Variants in UNC13D observed in about 807,000 individuals in gnomAD.
The protein encoded by UNC13D is unc-13 homolog D.
A neutral mutation model predicts 151.7 loss-of-function variants in UNC13D; 115 were observed. The ratio of observed to expected loss-of-function variants is 0.76; its 90% CI spans 0.65 to 0.88. The LOEUF (loss-of-function observed/expected upper bound fraction) is 0.88. UNC13D is among the 40% of genes least tolerant of loss of function. The pLI is 0.00. For synonymous variants in UNC13D, 588 were observed against 612.2 expected (o/e 0.96, Z 0.58); for missense variants, 1,369 against 1,438.7 (o/e 0.95, Z 0.78).
rs1567821227 is a variant in UNC13D at position 75,840,350 on chromosome 17, G to C, written c.754-21C>G. On this transcript the variant is annotated intron_variant, in intron 9 of 31. Coordinates refer to ENST00000207549, the MANE Select transcript of UNC13D (RefSeq NM_199242.3). This position sits in a 1 kb window ranked among gnomAD's most constrained non-coding sequence, Gnocchi z 4.6. The stretch of plus-strand genomic sequence containing the variant: ...AGGTCCTGACAGGCGGGGATGCCCA[G>C]CCCGTGAGCGTCAGAACCTCATAGA... 1 of 1,611,988 alleles carries C rather than the reference G, an allele frequency of 6.2e-7. No homozygotes were observed. The highest frequency in any genetic ancestry group is 1.7e-5 in the Admixed American group (1 of 59,918).
intron 12 of UNC13D, among the ~76,000 whole-genome samples, chr17:75,839,077 G>A (rs1174437349): frequency 2.0e-5 from 3 of 151,372 alleles, no homozygotes; most frequent in African/African-American, 4.9e-5. Context: ...TCCGGCCTGG[G>A]CGAAAGAGCA....
chr17:75,830,099 AG>A lies in UNC13D; in HGVS notation c.2882del (p.Pro961LeufsTer68). 6.3e-7 allele frequency: 1 copy of A among 1,583,774 alleles called. No homozygotes were observed. The highest frequency in any genetic ancestry group is 8.6e-7 in the Non-Finnish European group (1 of 1,165,058). On this transcript the variant is annotated frameshift_variant, in exon 30 of 32. Coordinates refer to ENST00000207549, the MANE Select transcript of UNC13D (RefSeq NM_199242.3). LOFTEE classifies it high-confidence loss of function. The stretch of plus-strand genomic sequence containing the variant: ...TCTGGGTCTCCCGGGCGGCCAGCTC[AG>A]GGAACTCATGCCTGGGCTCCAAGGT... ...QLTLEPRHEF[P>X]ELAARETQKH... is the part of the protein sequence containing the mutation.
Position 75,842,441 on chromosome 17 carries a change from G to A in UNC13D, c.561C>T (p.Thr187=), listed in dbSNP as rs1436445902. 25 of 1,612,224 alleles carry A rather than the reference G, an allele frequency of 1.6e-5. No homozygotes were observed. The highest frequency in any genetic ancestry group is 1.6e-4 in the Middle Eastern group (1 of 6,082). ...TQTLNPVWDE[T]FILEFEDITN... ...GGAGCACGGCCACGTACAGGATGAA[G>A]GTCTCGTCCCAGACGGGGTTGAGTG... Residue 187 remains threonine (T), a synonymous_variant, in exon 6 of 32, where the codon ACC becomes ACT. Transcript: ENST00000207549.
intron 27 of UNC13D, 57 bp from the exon 28 acceptor site, chr17:75,830,718 G>T: frequency 1.3e-6 from 2 of 1,542,968 alleles, no homozygotes; most frequent in East Asian, 2.4e-5. Flanking sequence ...CACAGCCCAG[G>T]CCTGCCCTCC....
At chr17:75,834,022 G>C (rs769317102) in intron 24 of UNC13D, 53 bp downstream of exon 24, 8 of 1,607,998 alleles carry the variant, frequency 5.0e-6, no homozygotes, top group Non-Finnish European at 6.8e-6. Context: ...AATGACCCCA[G>C]ATCTACAGAG....
chr17:75,835,728 G>C lies in UNC13D; in HGVS notation c.1646C>G (p.Ser549Cys). The C allele has an allele frequency of 6.2e-7, 1 of 1,613,768 alleles. No homozygotes were observed. Among genetic ancestry groups the C allele is most frequent in the Non-Finnish European group, 8.5e-7 (1 of 1,180,034 alleles). The change falls in exon 19 of 32, where the codon TCC (serine) becomes TGC (cysteine). Residue 549 changes from serine to cysteine, a missense_variant. Ser to Cys is a moderately radical substitution (Grantham distance 112). Around this residue, in one of 3 missense-constraint regions of UNC13D, gnomAD observed 807 missense variants for 795.5 expected, o/e 1.01. Coordinates refer to ENST00000207549, the MANE Select transcript of UNC13D (RefSeq NM_199242.3). ...DHTTVVGDVV[S>C]PEMGESLFQL... ...GAACAGACTCTCGCCCATCTCTGGGGACACTACATCACCCACAACCGTCGT... is the reference window on the plus strand; with the variant it reads ...GAACAGACTCTCGCCCATCTCTGGGCACACTACATCACCCACAACCGTCGT...
At position 75,828,838 on chromosome 17, in the gene UNC13D, G is replaced by T; in HGVS notation, c.3100C>A (p.Pro1034Thr). ...AGGCGGGTCTGAGGCACCTCACCAG[G>T]CTCCTCAGAGCCACTCAGCCCGGGC... ...EVPGLSGSEE[P>T]GEVPQTRLPL... Residue 1034 changes from proline (P) to threonine (T), a missense_variant, in exon 31 of 32, where the codon CCT becomes ACT. This residue lies in a region of UNC13D where 807 missense variants were observed against 795.5 expected (regional missense o/e 1.01). Transcript: ENST00000207549. The T allele has an allele frequency of 6.3e-7, 1 of 1,575,938 alleles. No individual in the cohort carries two copies.
Position 75,836,072 on chromosome 17 carries a change from A to C in UNC13D, c.1484T>G (p.Val495Gly). The C allele has an allele frequency of 1.2e-6, 2 of 1,613,774 alleles. No homozygotes were observed. Among genetic ancestry groups the C allele is most frequent in the Non-Finnish European group, 1.7e-6 (2 of 1,180,018 alleles). ...GTGCAGGTCGCCAATGACATCCTGT[A>C]CCAGGCCCAGCAAGGCCTTGCCTGC... ...PEAGKALLGL[V>G]QDVIGDLHQC... The change falls in exon 17 of 32, where the codon GTA becomes GGA. Residue 495 changes from valine (V) to glycine (G), a missense_variant. Transcript: ENST00000207549.
At chr17:75,836,299 C>T in intron 15 of UNC13D, 40 bp downstream of exon 15, 1 of 1,613,324 alleles carries the variant, frequency 6.2e-7, no homozygotes, top group Non-Finnish European at 8.5e-7. Context: ...CTGCCAGGCC[C>T]AGGCGCTGGT....
At chr17:75,835,261 A>T in intron 20 of UNC13D, 148 bp downstream of exon 20, 1 of 1,350,186 alleles carries the variant, frequency 7.4e-7, no homozygotes, top group South Asian at 1.3e-5. Context: ...ATCCAGAGGC[A>T]GCGTTTTGCA....
At chr17:75,829,098 C>A in intron 30 of UNC13D, 115 bp from the exon 31 acceptor site, 1 of 1,331,154 alleles carries the variant, frequency 7.5e-7, no homozygotes, top group African/African-American at 1.4e-5. Flanking sequence ...GCAAAGCCAG[C>A]TCTCAGCCTG....
chr17:75,843,263 C>T lies in UNC13D; in HGVS notation c.157G>A (p.Ala53Thr). The T allele has an allele frequency of 1.2e-6, 2 of 1,606,506 alleles. No homozygotes were observed. Among genetic ancestry groups the T allele is most frequent in the Non-Finnish European group, 1.7e-6 (2 of 1,179,832 alleles). Residue 53 changes from alanine to threonine, a missense_variant, in exon 3 of 32, where the codon GCC becomes ACC. Physicochemically the swap from Ala to Thr is moderately conservative, Grantham distance 58. This residue lies in a region of UNC13D where 550 missense variants were observed against 609.0 expected (regional missense o/e 0.90). Coordinates refer to ENST00000207549, the MANE Select transcript of UNC13D (RefSeq NM_199242.3). ...PSHHFSPEQR[A>T]LLYEDALYTV... ...TAGAGTGCGTCCTCGTAGAGCAGGG[C>T]CCGCTAAGACACACGGGGTCACCTT... is the stretch of plus-strand genomic sequence containing the variant.
intron 12 of UNC13D, among the ~76,000 whole-genome samples, chr17:75,838,222 T>TC (rs2064922090): frequency 7.1e-6 from 1 of 140,692 alleles, no homozygotes; most frequent in African/African-American, 2.6e-5. Flanking sequence ...GTCCCATCTC[T>TC]TTTTTTTTTT....
Position 75,827,386 on chromosome 17 carries a change from G to T in UNC13D, c.*579C>A. 8.9e-6 allele frequency: 12 copies of T among 1,347,740 alleles called. No individual in the cohort carries two copies. The highest frequency in any genetic ancestry group is 1.2e-5 in the Non-Finnish European group (12 of 1,037,424). 83.5% of individuals were successfully genotyped at this position (1,347,740 alleles called of 1,614,324 possible). On this transcript the variant is annotated 3_prime_UTR_variant, in exon 32 of 32. Transcript: ENST00000207549. ...CCAGCCCTGCCGCCTGCCAGCTCTT[G>T]CTCCCTCAGAGCCAGAAGGTTCTTG...
rs2062133113 is a variant in UNC13D at position 75,827,671 on chromosome 17, G to A, written c.*294C>T. 1.3e-6 allele frequency: 2 copies of A among 1,531,186 alleles called. No individual in the cohort carries two copies. The highest frequency in any genetic ancestry group is 2.4e-5 in the South Asian group (2 of 83,902). 94.8% of individuals were successfully genotyped at this position (1,531,186 alleles called of 1,614,324 possible). A position where few individuals can be genotyped will look rare whatever the true frequency, so the allele number is the denominator to read the frequency against. On this transcript the variant is annotated 3_prime_UTR_variant, in exon 32 of 32. Transcript: ENST00000207549. Reference sequence around the variant, plus strand: ...ATGGCCCAATCCCCTGCCCACCACAGCAGCTTTTCTGAGAGGCGGGCAGGG... The same window carrying A: ...ATGGCCCAATCCCCTGCCCACCACAACAGCTTTTCTGAGAGGCGGGCAGGG...
chr17:75,829,289 C>G (rs1007441950), intron 30 of UNC13D, among the ~76,000 whole-genome samples: 2 of 152,214 alleles, frequency 1.3e-5, no homozygotes, highest in Non-Finnish European at 2.9e-5. Flanking sequence ...ACCCCTTCCC[C>G]CAAGGGAAGC....
In UNC13D at chr17:75,836,446, G is replaced by C; in HGVS notation, c.1299-17C>G. 2 of 1,612,284 alleles carry C rather than the reference G, an allele frequency of 1.2e-6. No individual in the cohort carries two copies. Among genetic ancestry groups the C allele is most frequent in the Admixed American group, 3.3e-5 (2 of 60,010 alleles). On this transcript the variant is annotated splice_polypyrimidine_tract_variant and intron_variant, in intron 14 of 31. Transcript: ENST00000207549. ...ACCAGGACCCTGCAAGATGGAAAGAGCTGTGTCGAAAGTGCCTGCTGCCCC... is the reference window on the plus strand; with the variant it reads ...ACCAGGACCCTGCAAGATGGAAAGACCTGTGTCGAAAGTGCCTGCTGCCCC...
chr17:75,840,492 C>T lies in UNC13D; in HGVS notation c.753+15G>A, dbSNP rs1473040016. 1 of 1,612,518 alleles carries T rather than the reference C, an allele frequency of 6.2e-7. No individual in the cohort carries two copies. Among genetic ancestry groups the T allele is most frequent in the South Asian group, 1.1e-5 (1 of 91,078 alleles). The stretch of plus-strand genomic sequence containing the variant: ...CTCTGCCTCGCTCCTGGGCCCCTTT[C>T]CTCATCCTCCTCACCTGCAGCCTCA... On this transcript the variant is annotated intron_variant, in intron 9 of 31. Transcript: ENST00000207549. The surrounding 1 kb of genome is among the most constrained non-coding windows in gnomAD (Gnocchi z 4.6).
Position 75,840,654 on chromosome 17 carries a change from G to A in UNC13D, c.684-78C>T, listed in dbSNP as rs552256579. On this transcript the variant is annotated intron_variant, in intron 8 of 31. Coordinates refer to ENST00000207549, the MANE Select transcript of UNC13D (RefSeq NM_199242.3). The surrounding 1 kb of genome is among the most constrained non-coding windows in gnomAD (Gnocchi z 4.6). ...AGGCTGGAATCCACCCCCGGCCGCA[G>A]CCACCTGGACCCCAAAGGAGCCTGC... 6.6e-5 allele frequency: 106 copies of A among 1,611,556 alleles called. No homozygotes were observed. In the African/African-American group the frequency reaches 9.6e-4, roughly 15 times the overall value.
Sources: gnomAD v4.1 joint callset for allele counts (sites outside exome capture counted in the v4.1 genomes callset) on GRCh38, gnomAD v4.1.1 for gene constraint, gnomAD v4.1.1 regional missense constraint, Gnocchi (gnomAD v3.1) non-coding constraint, MANE v1.5 for transcripts, NCBI Gene and HGNC (gene_info 2026-07-23, HGNC 2026-07-21) for gene names.